The following CFAP299 variants were observed in gnomAD, a reference collection of about 807,000 sequenced individuals.
CFAP299 encodes the protein cilia- and flagella-associated protein 299.
CFAP299 carries 21 observed loss-of-function variants against 27.0 expected under a neutral mutation model. The ratio of observed to expected loss-of-function variants is 0.78; its 90% confidence interval spans 0.55 to 1.12. The LOEUF (loss-of-function observed/expected upper bound fraction) is 1.12. Ranked by LOEUF, CFAP299 falls within the 50% of genes most tolerant of loss-of-function variation. The pLI, the probability that CFAP299 is intolerant of heterozygous loss-of-function variation, is 0.00. For missense variants in CFAP299, 310 were observed against 276.6 expected (o/e 1.12, Z -0.86); for synonymous variants, 104 against 98.1 (o/e 1.06, Z -0.36).
intron 4 of CFAP299, among the ~76,000 whole-genome samples, chr4:80,911,497 A>G (rs1217448570): frequency 6.6e-6 from 1 of 152,200 alleles, no homozygotes; most frequent in Non-Finnish European, 1.5e-5. Flanking sequence ...GGAACCAGGT[A>G]TCCACTCCAA....
At chr4:80,380,852 T>C (rs1239474261) in intron 2 of CFAP299, among the ~76,000 whole-genome samples, 1 of 152,236 alleles carries the variant, frequency 6.6e-6, no homozygotes, top group Non-Finnish European at 1.5e-5. Flanking sequence ...TGACCTCTGC[T>C]ACTGCTTTTA....
At chr4:80,575,790 T>C (rs1404270721) in intron 2 of CFAP299, among the ~76,000 whole-genome samples, 1 of 152,152 alleles carries the variant, frequency 6.6e-6, no homozygotes, top group Admixed American at 6.5e-5. Flanking sequence ...ACCTTTTTAG[T>C]ACTGCTTTCG....
chr4:80,930,924 T>C (rs1736581179), intron 4 of CFAP299, among the ~76,000 whole-genome samples: 1 of 151,890 alleles, frequency 6.6e-6, no homozygotes, highest in African/African-American at 2.4e-5. Flanking sequence ...ATTCTGTCCT[T>C]TTTTTTTCCC....
chr4:80,953,362 T>C (rs1737881236), intron 5 of CFAP299, among the ~76,000 whole-genome samples: 1 of 152,172 alleles, frequency 6.6e-6, no homozygotes. Flanking sequence ...ACTGAATGTT[T>C]GGTTGATTAT....
intron 1 of CFAP299, among the ~76,000 whole-genome samples, chr4:80,336,129 C>A (rs1343877922): frequency 1.3e-5 from 2 of 152,230 alleles, no homozygotes; most frequent in African/African-American, 2.4e-5. Context: ...CACACTCACA[C>A]TGGGGAGCCA....
At chr4:80,567,590 T>C (rs1560628640) in intron 2 of CFAP299, among the ~76,000 whole-genome samples, 1 of 151,980 alleles carries the variant, frequency 6.6e-6, no homozygotes, top group Non-Finnish European at 1.5e-5. Context: ...TTCTCTCCCT[T>C]CGTGTTTAAA....
At chr4:80,493,861 C>T (rs1457081136) in intron 2 of CFAP299, among the ~76,000 whole-genome samples, 10 of 144,682 alleles carry the variant, frequency 6.9e-5, no homozygotes, top group Admixed American at 1.4e-4. Flanking sequence ...CTACAAGCTC[C>T]GCTTCCCGGG....
chr4:80,361,381 C>G (rs1274090190), intron 1 of CFAP299, among the ~76,000 whole-genome samples: 1 of 152,208 alleles, frequency 6.6e-6, no homozygotes, highest in East Asian at 1.9e-4. Context: ...CCTCACTGAG[C>G]TGAAGTCCTT....
At chr4:80,860,030 C>T (rs1443411041) in intron 3 of CFAP299, among the ~76,000 whole-genome samples, 2 of 152,294 alleles carry the variant, frequency 1.3e-5, no homozygotes, top group Non-Finnish European at 2.9e-5. Context: ...CCATTCTCCC[C>T]ATCACTTTCA....
At chr4:80,668,489 G>A (rs1040244591) in intron 3 of CFAP299, among the ~76,000 whole-genome samples, 4 of 152,036 alleles carry the variant, frequency 2.6e-5, no homozygotes, top group Non-Finnish European at 5.9e-5. Context: ...TTGTGTGAAA[G>A]GTGAAGATCT....
chr4:80,956,198 A>G (rs1738055181), intron 5 of CFAP299, among the ~76,000 whole-genome samples: 1 of 152,146 alleles, frequency 6.6e-6, no homozygotes, highest in Admixed American at 6.5e-5. Flanking sequence ...AAATATATGT[A>G]TTTTGTAAAG....
In CFAP299 at chr4:80,832,673, T is replaced by C. The variant is rs528122814; in HGVS notation, c.334-37320T>C. On this transcript the variant is annotated intron_variant, in intron 3 of 5. Transcript: ENST00000358105. ...GTGGATGTTAAGTAGATGATTTTTA[T>C]TTCATTTTCGGAGGTATAGCGTTTA... Among the ~76,000 whole-genome samples, 3 of 152,292 alleles carry C rather than the reference T, an allele frequency of 2.0e-5. No homozygotes were observed. The East Asian group carries it at 5.8e-4, about 29-fold the overall frequency.
At chr4:80,905,503 CAT>C in intron 4 of CFAP299, among the ~76,000 whole-genome samples, 1 of 152,186 alleles carries the variant, frequency 6.6e-6, no homozygotes, top group Non-Finnish European at 1.5e-5. Context: ...TCAAGACTTG[CAT>C]ACACACAGCA....
chr4:80,575,387 A>C (rs1418686020), intron 2 of CFAP299, among the ~76,000 whole-genome samples: 4 of 151,416 alleles, frequency 2.6e-5, no homozygotes, highest in Non-Finnish European at 4.4e-5. Context: ...ATGCAGTGGC[A>C]CTATCACACC....
chr4:80,856,947 A>C lies in CFAP299; in HGVS notation c.334-13046A>C, dbSNP rs369890565. The stretch of plus-strand genomic sequence containing the variant: ...TTTTTCCAATTCTGTGAAGAAAGTC[A>C]TTGGTAGCTTGATGGGGATGGCATT... On this transcript the variant is annotated intron_variant, in intron 3 of 5. Coordinates refer to ENST00000358105, the MANE Select transcript of CFAP299 (RefSeq NM_152770.3). Among the ~76,000 whole-genome samples the C allele has an allele frequency of 9.0e-4, 137 of 151,696 alleles. 1 individual carries two copies. In the East Asian group the frequency reaches 0.023, roughly 25 times the overall value.
chr4:80,786,594 C>CA (rs1403930376), intron 3 of CFAP299, among the ~76,000 whole-genome samples: 4 of 152,048 alleles, frequency 2.6e-5, no homozygotes, highest in Non-Finnish European at 5.9e-5. Flanking sequence ...CAAATGAAAA[C>CA]AAAACAAACC....
At chr4:80,603,106 A>T (rs1681149582) in intron 3 of CFAP299, among the ~76,000 whole-genome samples, 2 of 152,216 alleles carry the variant, frequency 1.3e-5, no homozygotes, top group Non-Finnish European at 2.9e-5. Flanking sequence ...TGTCAAAAGC[A>T]AGGAATTATG....
intron 3 of CFAP299, among the ~76,000 whole-genome samples, chr4:80,707,809 G>A (rs1254369203): frequency 6.6e-6 from 1 of 151,996 alleles, no homozygotes; most frequent in African/African-American, 2.4e-5. Flanking sequence ...AATTATCTGT[G>A]TAGCAAACAC....
intron 3 of CFAP299, among the ~76,000 whole-genome samples, chr4:80,675,719 T>A (rs1203753766): frequency 6.6e-6 from 1 of 151,732 alleles, no homozygotes; most frequent in Non-Finnish European, 1.5e-5. Context: ...CTATCCACTA[T>A]GTTTACCCAC....
Sources: gnomAD v4.1 joint callset for allele counts (sites outside exome capture counted in the v4.1 genomes callset) on GRCh38, gnomAD v4.1.1 for gene constraint, MANE v1.5 for transcripts, NCBI Gene and HGNC (gene_info 2026-07-23, HGNC 2026-07-21) for gene names.